The following CAP1 variants were observed in gnomAD, a reference collection of about 807,000 sequenced individuals.
CAP1 encodes the protein cyclase associated actin cytoskeleton regulatory protein 1.
Under a neutral mutation model 58.2 loss-of-function variants are expected in CAP1, and 11 were observed. The ratio of observed to expected loss-of-function variants is 0.19; its 90% confidence interval spans 0.12 to 0.31. The LOEUF is 0.31. CAP1 is among the 10% of genes least tolerant of loss of function. CAP1 has a pLI of 1.00. For missense variants in CAP1, 423 were observed against 587.5 expected (o/e 0.72, Z 2.89); for synonymous variants, 183 against 213.8 (o/e 0.86, Z 1.26).
rs572125456 is a variant in CAP1 at position 40,071,645 on chromosome 1, G to C, written c.*112G>C. The stretch of plus-strand genomic sequence containing the variant: ...TTTTTGCTCTTAAAACTGCTTCTCT[G>C]CTCTGAGAAGCACAGCTACCTGCCT... On this transcript the variant is annotated 3_prime_UTR_variant, in exon 13 of 13. Coordinates refer to ENST00000372805, the MANE Select transcript of CAP1 (RefSeq NM_006367.4). 1.5e-6 allele frequency: 1 copy of C among 686,162 alleles called. No individual in the cohort carries two copies. Among genetic ancestry groups the C allele is most frequent in the East Asian group, 2.7e-5 (1 of 36,464 alleles). 42.5% of individuals were successfully genotyped at this position (686,162 alleles called of 1,614,324 possible).
intron 8 of CAP1, 123 bp from the exon 9 acceptor site, chr1:40,069,567 A>G (rs755656756): frequency 2.5e-5 from 20 of 784,546 alleles, no homozygotes; most frequent in Non-Finnish European, 3.5e-5. Flanking sequence ...AACTGCTTGC[A>G]AGAGAACATC....
At chr1:40,068,751 G>A (rs551748949) in intron 8 of CAP1, among the ~76,000 whole-genome samples, 13 of 152,266 alleles carry the variant, frequency 8.5e-5, no homozygotes, top group African/African-American at 2.4e-4. Context: ...AAAGCGAGGC[G>A]TGTGTCAGCC....
chr1:40,045,043 C>A (rs928986968), intron 1 of CAP1, among the ~76,000 whole-genome samples: 24 of 151,956 alleles, frequency 1.6e-4, no homozygotes, highest in African/African-American at 5.8e-4. Flanking sequence ...CTCGGCCTCC[C>A]AAGGTGCTGG....
At chr1:40,042,185 C>A (rs1409374693) in intron 1 of CAP1, among the ~76,000 whole-genome samples, 2 of 152,086 alleles carry the variant, frequency 1.3e-5, no homozygotes, top group Non-Finnish European at 2.9e-5. Flanking sequence ...CCCCACCAGA[C>A]GTTTATTAAG....
intron 1 of CAP1, among the ~76,000 whole-genome samples, chr1:40,052,359 T>C (rs1051337641): frequency 6.6e-6 from 1 of 152,154 alleles, no homozygotes; most frequent in Non-Finnish European, 1.5e-5. Context: ...CTAATTTTAT[T>C]TGGACTTGTG....
intron 1 of CAP1, among the ~76,000 whole-genome samples, chr1:40,058,097 C>T (rs1280748520): frequency 1.3e-5 from 2 of 152,308 alleles, no homozygotes; most frequent in Non-Finnish European, 2.9e-5. Flanking sequence ...AAGGTCCTTT[C>T]TCTGTTGGAG....
rs185971972 is a variant in CAP1, at chr1:40,045,012, C to G, written c.-11+4211C>G. Among the ~76,000 whole-genome samples the G allele has an allele frequency of 3.1e-3, 466 of 151,942 alleles. 5 individuals carry two copies. The highest frequency in any genetic ancestry group is 6.8e-3 in the Middle Eastern group (2 of 294). The stretch of plus-strand genomic sequence containing the variant: ...GGGGTTTCACTGTGGTCTTGATCTC[C>G]TGATCTCGTGATCTGCTCGCCTCGG... On this transcript the variant is annotated intron_variant, in intron 1 of 12. Transcript: ENST00000372805.
chr1:40,040,704 T>G (rs1044887232), upstream of CAP1: 1 of 152,598 alleles, frequency 6.6e-6, no homozygotes, highest in Non-Finnish European at 1.5e-5. Flanking sequence ...CCGCGCCCAG[T>G]GAGGGCCCGG....
At chr1:40,064,602 T>C in intron 6 of CAP1, 43 bp downstream of exon 6, 2 of 1,425,946 alleles carry the variant, frequency 1.4e-6, no homozygotes, top group Non-Finnish European at 2.0e-6. Flanking sequence ...TCTGAGACAG[T>C]GTCTTGCGTT....
intron 3 of CAP1, among the ~76,000 whole-genome samples, chr1:40,061,509 A>G (rs1557687734): frequency 6.6e-6 from 1 of 152,218 alleles, no homozygotes; most frequent in African/African-American, 2.4e-5. Flanking sequence ...TGATTATCCA[A>G]TTAACTTCAC....
intron 1 of CAP1, among the ~76,000 whole-genome samples, chr1:40,051,614 C>T (rs929247057): frequency 1.3e-5 from 2 of 152,104 alleles, no homozygotes; most frequent in East Asian, 3.8e-4. Flanking sequence ...CTCACTCTGT[C>T]GCCCAGGCTG....
At position 40,049,178 on chromosome 1, in the gene CAP1, A is replaced by ATTTTTTTT. The variant is rs72214452; in HGVS notation, c.-11+8396_-11+8403dup. ...TGGCAGGAATCACTAGCCATTTCTA[A>ATTTTTTTT]TTTTTTTTTTTTTTTTTTTTTTTTT... On this transcript the variant is annotated intron_variant, in intron 1 of 12. Transcript: ENST00000372805. 1.8e-3 allele frequency among the ~76,000 whole-genome samples: 155 copies of ATTTTTTTT among 84,880 alleles called. 21 individuals carry two copies. Among genetic ancestry groups the ATTTTTTTT allele is most frequent in the African/African-American group, 6.9e-3 (145 of 21,030 alleles). The allele number at this position is 84,880 out of a possible 152,430, so 55.7% of individuals were successfully genotyped here. A position where few individuals can be genotyped will look rare whatever the true frequency, so the allele number is the denominator to read the frequency against.
chr1:40,068,497 C>T (rs547921051), intron 8 of CAP1, among the ~76,000 whole-genome samples: 2 of 151,812 alleles, frequency 1.3e-5, no homozygotes, highest in African/African-American at 4.8e-5. Context: ...AGCCTGGTCT[C>T]AAACTCCTGA....
chr1:40,044,788 C>CTTTTT (rs71060347), intron 1 of CAP1, among the ~76,000 whole-genome samples: 7 of 85,238 alleles, frequency 8.2e-5, no homozygotes, highest in East Asian at 4.0e-4. Context: ...CCATATAATT[C>CTTTTT]TTTTTTTTTT....
intron 1 of CAP1, chr1:40,057,418 G>A (rs1453281141): frequency 1.3e-5 from 2 of 152,168 alleles, no homozygotes; most frequent in African/African-American, 4.8e-5. Context: ...TATGTTGACT[G>A]CTTATGGTCT....
intron 1 of CAP1, among the ~76,000 whole-genome samples, chr1:40,054,252 G>T (rs185725088): frequency 2.7e-5 from 4 of 148,334 alleles, no homozygotes; most frequent in Non-Finnish European, 5.9e-5. Flanking sequence ...GTGCAGTGGC[G>T]CAATCTCAGC....
intron 1 of CAP1, among the ~76,000 whole-genome samples, chr1:40,046,428 G>A (rs1325091567): frequency 1.3e-5 from 2 of 152,028 alleles, no homozygotes; most frequent in African/African-American, 2.4e-5. Flanking sequence ...TGCATGATCT[G>A]CGCCAGCTTG....
At chr1:40,041,194 G>A (rs1359069357) in intron 1 of CAP1, among the ~76,000 whole-genome samples, 1 of 152,256 alleles carries the variant, frequency 6.6e-6, no homozygotes, top group Non-Finnish European at 1.5e-5. Flanking sequence ...AGCGAGTGAG[G>A]AAAAGAATCG....
At chr1:40,053,179 G>C (rs532492470) in intron 1 of CAP1, among the ~76,000 whole-genome samples, 1 of 152,102 alleles carries the variant, frequency 6.6e-6, no homozygotes, top group Non-Finnish European at 1.5e-5. Context: ...ATCTGAGATC[G>C]TGCCACTGTA....
Sources: gnomAD v4.1 joint callset for allele counts (sites outside exome capture counted in the v4.1 genomes callset) on GRCh38, gnomAD v4.1.1 for gene constraint, MANE v1.5 for transcripts, NCBI Gene and HGNC (gene_info 2026-07-23, HGNC 2026-07-21) for gene names.